Variants in TSPAN8 observed in about 807,000 individuals in gnomAD.
The protein encoded by TSPAN8 is tetraspanin-8.
In TSPAN8, 21 loss-of-function variants were observed where a neutral mutation model predicts 32.8. That is an observed-to-expected ratio of 0.64 (90% CI 0.45 to 0.92). The LOEUF (loss-of-function observed/expected upper bound fraction) is 0.92, where lower values mean the gene tolerates loss of function less well. Ranked by LOEUF, TSPAN8 falls within the 40% of genes least tolerant of loss-of-function variation. The pLI is 0.00. For synonymous variants in TSPAN8, 95 were observed against 94.6 expected, an observed-to-expected ratio of 1.00 and a Z score of -0.03; for missense variants, 269 against 281.9, an observed-to-expected ratio of 0.95 and a Z score of 0.33.
intron 8 of TSPAN8, among the ~76,000 whole-genome samples, chr12:71,125,820 A>C (rs1798097): frequency 0.47 from 71,365 of 152,014 alleles, 17,135 homozygotes; most frequent in Admixed American, 0.59. Flanking sequence ...CATAAAAATC[A>C]AGAAGTCTAG....
chr12:71,135,850 A>G (rs1043413596), intron 6 of TSPAN8, among the ~76,000 whole-genome samples: 2 of 152,134 alleles, frequency 1.3e-5, no homozygotes, highest in Admixed American at 6.5e-5. Flanking sequence ...CAGCAGAGGT[A>G]CTGAGGCTGC....
chr12:71,152,791 T>C, intron 2 of TSPAN8, among the ~76,000 whole-genome samples: 1 of 152,376 alleles, frequency 6.6e-6, no homozygotes, highest in Non-Finnish European at 1.5e-5. Context: ...CAATAAGATA[T>C]AATTGTGTCC....
At chr12:71,134,213 A>G (rs1201792859) in intron 6 of TSPAN8, among the ~76,000 whole-genome samples, 2 of 152,206 alleles carry the variant, frequency 1.3e-5, no homozygotes, top group East Asian at 3.8e-4. Flanking sequence ...GGTTGAAGAA[A>G]GCACTCAATA....
At chr12:71,141,105 A>G (rs3794217) in intron 3 of TSPAN8, among the ~76,000 whole-genome samples, 3,254 of 152,288 alleles carry the variant, frequency 0.021, 153 homozygotes, top group East Asian at 0.16. Flanking sequence ...GTCCTAATAA[A>G]TAAGTTTGTA....
At chr12:71,156,788 A>G (rs1872458085) in intron 2 of TSPAN8, 1 of 152,202 alleles carries the variant, frequency 6.6e-6, no homozygotes, top group South Asian at 2.1e-4. Flanking sequence ...TTTTTCATTT[A>G]AATACTTTGT....
intron 2 of TSPAN8, among the ~76,000 whole-genome samples, chr12:71,154,714 G>A (rs1159233128): frequency 1.3e-5 from 2 of 152,126 alleles, no homozygotes; most frequent in Non-Finnish European, 2.9e-5. Flanking sequence ...ATTTTGGTTT[G>A]TTTAAATGTG....
At chr12:71,149,920 T>G (rs938546690) in intron 2 of TSPAN8, among the ~76,000 whole-genome samples, 6 of 152,216 alleles carry the variant, frequency 3.9e-5, no homozygotes, top group African/African-American at 1.2e-4. Flanking sequence ...TTTTTCTTCT[T>G]GCAGAGAGCC....
intron 3 of TSPAN8, among the ~76,000 whole-genome samples, chr12:71,143,465 G>A (rs1871973622): frequency 6.6e-6 from 1 of 152,166 alleles, no homozygotes; most frequent in Admixed American, 6.5e-5. Flanking sequence ...CAGACCTGTA[G>A]ATCTGGGTAA....
At chr12:71,132,902 C>A in intron 6 of TSPAN8, 78 bp from the exon 7 acceptor site, 2 of 1,495,160 alleles carry the variant, frequency 1.3e-6, no homozygotes, top group South Asian at 2.3e-5. Context: ...TTATAATCTT[C>A]TGAAATCATT....
intron 2 of TSPAN8, among the ~76,000 whole-genome samples, chr12:71,153,145 T>G (rs1872312528): frequency 6.6e-6 from 1 of 152,162 alleles, no homozygotes; most frequent in Non-Finnish European, 1.5e-5. Context: ...AAAGGCCCCA[T>G]GTTTCATACT....
chr12:71,126,283 A>G (rs1315037959), intron 8 of TSPAN8, among the ~76,000 whole-genome samples: 1 of 152,212 alleles, frequency 6.6e-6, no homozygotes. Context: ...TTCCTTCTTA[A>G]AAAGGTTGAC....
At chr12:71,139,355 G>A in intron 4 of TSPAN8, 2 of 450,608 alleles carry the variant, frequency 4.4e-6, no homozygotes, top group Non-Finnish European at 8.3e-6. Context: ...TTTGCTTCTG[G>A]GGCCACTCCC....
At chr12:71,148,822 A>G (rs1402199816) in intron 2 of TSPAN8, among the ~76,000 whole-genome samples, 2 of 152,170 alleles carry the variant, frequency 1.3e-5, no homozygotes, top group East Asian at 3.8e-4. Flanking sequence ...CAGTCCTTAC[A>G]TATTTTATCC....
At chr12:71,137,820 C>G (rs1458025879) in intron 6 of TSPAN8, 133 bp downstream of exon 6, 2 of 727,678 alleles carry the variant, frequency 2.7e-6, no homozygotes, top group African/African-American at 3.6e-5. Flanking sequence ...TTTCTTATTG[C>G]ATGGTGACAG....
intron 4 of TSPAN8, among the ~76,000 whole-genome samples, 164 bp from the exon 5 acceptor site, chr12:71,138,394 G>A (rs145492360): frequency 7.0e-4 from 107 of 152,206 alleles, no homozygotes; most frequent in African/African-American, 2.5e-3. Context: ...AAAATTTTGG[G>A]TTCATTACTA....
chr12:71,130,265 A>G (rs1355593677), intron 7 of TSPAN8, among the ~76,000 whole-genome samples: 1 of 152,142 alleles, frequency 6.6e-6, no homozygotes, highest in Admixed American at 6.5e-5. Flanking sequence ...AAAACAACAT[A>G]TTTTCAAAAT....
chr12:71,136,393 T>C (rs1033058301), intron 6 of TSPAN8, among the ~76,000 whole-genome samples: 14 of 152,234 alleles, frequency 9.2e-5, no homozygotes, highest in African/African-American at 3.4e-4. Flanking sequence ...TGAGGGTAGA[T>C]GACCATAAAT....
At chr12:71,133,419 G>C (rs1167596607) in intron 6 of TSPAN8, among the ~76,000 whole-genome samples, 3 of 152,134 alleles carry the variant, frequency 2.0e-5, no homozygotes, top group African/African-American at 7.2e-5. Flanking sequence ...AAGAGAGTCA[G>C]ATCTCTGTAA....
intron 6 of TSPAN8, among the ~76,000 whole-genome samples, chr12:71,136,441 A>T (rs11178647): frequency 0.014 from 2,178 of 152,310 alleles, 35 homozygotes; most frequent in East Asian, 0.049. Context: ...AGATTAAGTG[A>T]CCTATAAAAT....
Sources: allele counts gnomAD v4.1 joint callset (sites outside exome capture counted in the v4.1 genomes callset), GRCh38; gene constraint gnomAD v4.1.1; transcripts MANE v1.5; gene names NCBI Gene and HGNC (gene_info 2026-07-23, HGNC 2026-07-21).